Variants in NIPA2 observed in about 807,000 individuals in gnomAD.
NIPA2 encodes magnesium transporter NIPA2.
NIPA2 carries 11 observed loss-of-function variants against 29.7 expected under a neutral mutation model. The observed-to-expected ratio is 0.37, with a 90% CI of 0.23 to 0.61. The LOEUF (loss-of-function observed/expected upper bound fraction) is 0.61, where lower values mean the gene tolerates loss of function less well. Among genes scored for constraint, NIPA2 ranks in the 20% least tolerant of loss-of-function variants. The probability of loss-of-function intolerance (pLI) is 0.66; values close to 1 mark genes in which losing one functional copy is unlikely to be tolerated. For missense variants in NIPA2, 426 were observed against 437.9 expected, an observed-to-expected ratio of 0.97 and a Z score of 0.24; for synonymous variants, 183 against 161.9, an observed-to-expected ratio of 1.13 and a Z score of -0.99.
chr15:22,860,300 G>A lies in NIPA2; in HGVS notation c.288-329G>A, dbSNP rs375556384. 3.4e-4 allele frequency among the ~76,000 whole-genome samples: 52 copies of A among 152,300 alleles called. 1 individual carries two copies. Among genetic ancestry groups the A allele is most frequent in the African/African-American group, 1.0e-3 (43 of 41,564 alleles). ...CTCCCAAAGTGCTGGGATTACAGGC[G>A]TGAGGCACTCTGCCTGGCCTGGATA... On this transcript the variant is annotated intron_variant, in intron 6 of 7. Coordinates refer to ENST00000337451, the MANE Select transcript of NIPA2 (RefSeq NM_030922.7).
In NIPA2 at chr15:22,844,781, A is replaced by C. The variant is rs183607764; in HGVS notation, c.-215-365A>C. ...ACCACAACAACAACAACAACAACAA[A>C]AAAGCCCTTCCCCTCCCACACACAG... On this transcript the variant is annotated intron_variant, in intron 2 of 7. Coordinates refer to ENST00000337451, the MANE Select transcript of NIPA2 (RefSeq NM_030922.7). Among the ~76,000 whole-genome samples the C allele has an allele frequency of 3.2e-3, 476 of 149,498 alleles. 3 individuals carry two copies. Among genetic ancestry groups the C allele is most frequent in the African/African-American group, 0.011 (459 of 41,326 alleles).
chr15:22,865,015 C>G (rs2058889510), intron 7 of NIPA2, among the ~76,000 whole-genome samples: 1 of 152,002 alleles, frequency 6.6e-6, no homozygotes, highest in Non-Finnish European at 1.5e-5. Context: ...GTGTCTGCCA[C>G]CACGCCTGGC....
chr15:22,857,448 A>AG lies in NIPA2; in HGVS notation c.197-1092_197-1091insG, dbSNP rs1323338771. 1.7e-3 allele frequency among the ~76,000 whole-genome samples: 261 copies of AG among 151,854 alleles called. 1 individual carries two copies. Among genetic ancestry groups the AG allele is most frequent in the African/African-American group, 5.8e-3 (241 of 41,334 alleles). ...AGAGCGAGACTCTGTCTCAAAAAAAAAAAAAAAGTTTTATCAGAGCAATGT... is the reference window on the plus strand; with the variant it reads ...AGAGCGAGACTCTGTCTCAAAAAAAAGAAAAAAAGTTTTATCAGAGCAATGT... On this transcript the variant is annotated intron_variant, in intron 5 of 7. Transcript: ENST00000337451.
At chr15:22,841,831 G>A (rs1391507263) in intron 2 of NIPA2, among the ~76,000 whole-genome samples, 1 of 152,066 alleles carries the variant, frequency 6.6e-6, no homozygotes, top group Non-Finnish European at 1.5e-5. Flanking sequence ...TCACGCTAAT[G>A]TATCTCACCT....
intron 5 of NIPA2, among the ~76,000 whole-genome samples, chr15:22,854,570 C>A (rs2058042586): frequency 6.6e-6 from 1 of 151,902 alleles, no homozygotes; most frequent in African/African-American, 2.4e-5. Context: ...CATGGTGAAA[C>A]CCCGTCTCTA....
chr15:22,864,304 A>G (rs1478495687), intron 7 of NIPA2, among the ~76,000 whole-genome samples: 2 of 151,896 alleles, frequency 1.3e-5, no homozygotes, highest in South Asian at 2.1e-4. Flanking sequence ...ACAGGCACCC[A>G]CCACCAGGCC....
chr15:22,866,730 C>T lies in NIPA2; in HGVS notation c.966C>T (p.Gly322=). 1.2e-6 allele frequency: 2 copies of T among 1,613,974 alleles called. No individual in the cohort carries two copies. The highest frequency in any genetic ancestry group is 1.7e-6 in the Non-Finnish European group (2 of 1,179,904). ...SFRKDEKAMN[G]NLSNMYEVLN... ...GAAAAGACGAGAAAGCAATGAATGG[C>T]AATCTCTCTAATATGTATGAAGTTC... Residue 322 remains glycine (G), a synonymous_variant, in exon 8 of 8, where the codon GGC becomes GGT. Coordinates refer to ENST00000337451, the MANE Select transcript of NIPA2 (RefSeq NM_030922.7).
rs868399588 is a variant in NIPA2 at position 22,842,786 on chromosome 15, G to A, written c.-215-2360G>A. Among the ~76,000 whole-genome samples, 11 of 150,966 alleles carry A rather than the reference G, an allele frequency of 7.3e-5. 1 individual carries two copies. Among genetic ancestry groups the A allele is most frequent in the South Asian group, 2.1e-4 (1 of 4,830 alleles). On this transcript the variant is annotated intron_variant, in intron 2 of 7. Coordinates refer to ENST00000337451, the MANE Select transcript of NIPA2 (RefSeq NM_030922.7). ...AGAGGTTGCAGTGAGCCAAGATTGC[G>A]CCAGCGCACTCCAGCCTGGGGGATA... is the stretch of plus-strand genomic sequence containing the variant.
At chr15:22,851,975 CTT>C (rs1262311409) in intron 4 of NIPA2, 105 bp downstream of exon 4, 7 of 970,292 alleles carry the variant, frequency 7.2e-6, no homozygotes, top group Middle Eastern at 2.5e-4. Flanking sequence ...GTATTTGAAA[CTT>C]TGAATTGTTC....
At chr15:22,848,031 CA>C (rs548613645) in intron 3 of NIPA2, among the ~76,000 whole-genome samples, 51 of 150,930 alleles carry the variant, frequency 3.4e-4, no homozygotes, top group South Asian at 2.9e-3. Flanking sequence ...CTCCCGACCT[CA>C]GGTGATCCGC....
chr15:22,851,822 A>G lies in NIPA2; in HGVS notation c.91A>G (p.Lys31Glu). 1.9e-6 allele frequency: 3 copies of G among 1,610,974 alleles called. No homozygotes were observed. The highest frequency in any genetic ancestry group is 2.5e-6 in the Non-Finnish European group (3 of 1,177,916). ...SIFIGGSFIL[K>E]KKGLLRLARK... is the part of the protein sequence containing the mutation. ...TTTCATTGGAGGAAGTTTCATTTTG[A>G]AAAAAAAGGGCCTCCTTCGACTTGC... Residue 31 changes from lysine (K) to glutamate (E), a missense_variant, in exon 4 of 8, where the codon AAA (lysine) becomes GAA (glutamate). This residue lies in a region of NIPA2 where 57 missense variants were observed against 66.6 expected (regional missense o/e 0.86). Coordinates refer to ENST00000337451, the MANE Select transcript of NIPA2 (RefSeq NM_030922.7).
At chr15:22,840,925 G>T (rs1382816129) in intron 2 of NIPA2, among the ~76,000 whole-genome samples, 1 of 150,602 alleles carries the variant, frequency 6.6e-6, no homozygotes, top group Non-Finnish European at 1.5e-5. Context: ...TTTTATAGAT[G>T]GTGTAAGCTT....
In NIPA2 at chr15:22,851,861, A is replaced by G; in HGVS notation, c.130A>G (p.Met44Val). Residue 44 changes from methionine to valine, a missense_variant, in exon 4 of 8, where the codon ATG (methionine) becomes GTG (valine). Coordinates refer to ENST00000337451, the MANE Select transcript of NIPA2 (RefSeq NM_030922.7). ...GLLRLARKGS[M>V]RAGQGGHAYL... is the part of the protein sequence containing the mutation. ...CCTTCGACTTGCCAGGAAAGGCTCT[A>G]TGAGAGCAGGTAGGTTATGCCTTAT... is the stretch of plus-strand genomic sequence containing the variant. The G allele has an allele frequency of 1.9e-6, 3 of 1,613,426 alleles. No individual in the cohort carries two copies. The highest frequency in any genetic ancestry group is 2.5e-6 in the Non-Finnish European group (3 of 1,179,720).
rs573937876 is a variant in NIPA2, at chr15:22,863,501, G to C, written c.448+2712G>C. Among the ~76,000 whole-genome samples the C allele has an allele frequency of 1.8e-4, 27 of 152,270 alleles. No individual in the cohort carries two copies. The South Asian group carries it at 5.4e-3, about 30-fold the overall frequency. ...TCCAGGATCTGCTCCTCAGTAACTT[G>C]AGACACTAAAATCCCTGCTTAGTCC... On this transcript the variant is annotated intron_variant, in intron 7 of 7. Coordinates refer to ENST00000337451, the MANE Select transcript of NIPA2 (RefSeq NM_030922.7).
At chr15:22,854,777 C>CT (rs2058058899) in intron 5 of NIPA2, among the ~76,000 whole-genome samples, 1 of 152,026 alleles carries the variant, frequency 6.6e-6, no homozygotes. Flanking sequence ...TTATTATTGA[C>CT]TGTAGTCACC....
At chr15:22,844,532 C>T (rs565756441) in intron 2 of NIPA2, among the ~76,000 whole-genome samples, 24 of 149,550 alleles carry the variant, frequency 1.6e-4, no homozygotes, top group Admixed American at 6.0e-4. Flanking sequence ...CCAGCCCGGG[C>T]GACAGTGCAA....
At chr15:22,852,664 A>AC (rs2057860575) in intron 4 of NIPA2, among the ~76,000 whole-genome samples, 2 of 152,128 alleles carry the variant, frequency 1.3e-5, no homozygotes, top group South Asian at 4.1e-4. Flanking sequence ...CTGACAAGTC[A>AC]CAAGACCCTG....
In NIPA2 at chr15:22,851,557, G is replaced by T; in HGVS notation, c.-93-82G>T. 1.3e-5 allele frequency: 5 copies of T among 399,958 alleles called. No individual in the cohort carries two copies. The South Asian group carries it at 4.3e-4, about 35-fold the overall frequency. 24.8% of individuals were successfully genotyped at this position (399,958 alleles called of 1,614,324 possible). A position where few individuals can be genotyped will look rare whatever the true frequency, so the allele number is the denominator to read the frequency against. ...AGGAGCTATTTTTTCTTTAGGGGAA[G>T]AGAAATGGAGTAAAATTTTGAATTG... On this transcript the variant is annotated intron_variant, in intron 3 of 7. Coordinates refer to ENST00000337451, the MANE Select transcript of NIPA2 (RefSeq NM_030922.7).
intron 2 of NIPA2, among the ~76,000 whole-genome samples, chr15:22,842,148 G>C (rs1897258281): frequency 6.6e-6 from 1 of 152,160 alleles, no homozygotes; most frequent in Non-Finnish European, 1.5e-5. Context: ...CATGTGGGCT[G>C]TTGTACCCCT....
Sources: gnomAD v4.1 joint callset for allele counts (sites outside exome capture counted in the v4.1 genomes callset) on GRCh38, gnomAD v4.1.1 for gene constraint, gnomAD v4.1.1 regional missense constraint, MANE v1.5 for transcripts, NCBI Gene and HGNC (gene_info 2026-07-23, HGNC 2026-07-21) for gene names.